The following LDAH variants were observed in gnomAD, a reference collection of about 807,000 sequenced individuals.
The protein encoded by LDAH is lipid droplet associated hydrolase, also known as lipid droplet-associated hydrolase.
In LDAH, 26 loss-of-function variants were observed where a neutral mutation model predicts 29.6. The observed-to-expected ratio is 0.88, with a 90% CI of 0.64 to 1.22. LDAH has a LOEUF of 1.22. LDAH is among the 50% of genes most tolerant of loss of function. The pLI is 0.00. For missense variants in LDAH, 344 were observed against 387.3 expected (o/e 0.89, Z 0.94); for synonymous variants, 117 against 133.0 (o/e 0.88, Z 0.83).
downstream of LDAH, among the ~76,000 whole-genome samples, chr2:20,682,794 T>C (rs1662355117): frequency 6.6e-6 from 1 of 152,200 alleles, no homozygotes; most frequent in African/African-American, 2.4e-5. Context: ...CATGTGCAAC[T>C]ACAGGAGAAC....
At chr2:20,801,610 T>C in intron 1 of LDAH, 145 bp from the exon 2 acceptor site, 2 of 672,280 alleles carry the variant, frequency 3.0e-6, no homozygotes, top group Non-Finnish European at 5.0e-6. Flanking sequence ...ATAAGACTAT[T>C]CAGTGATGCT....
intron 2 of LDAH, among the ~76,000 whole-genome samples, chr2:20,796,347 G>A (rs1246044836): frequency 6.6e-6 from 1 of 152,140 alleles, no homozygotes; most frequent in Non-Finnish European, 1.5e-5. Flanking sequence ...TCCAGGTGGG[G>A]AAGTGGGTGG....
chr2:20,750,462 G>A (rs1558441286), intron 4 of LDAH, among the ~76,000 whole-genome samples: 4 of 152,258 alleles, frequency 2.6e-5, no homozygotes, highest in African/African-American at 4.8e-5. Flanking sequence ...GTGCCTCCAC[G>A]GTATCTGAAT....
At chr2:20,710,763 A>T (rs2149374250) in intron 5 of LDAH, among the ~76,000 whole-genome samples, 1 of 149,464 alleles carries the variant, frequency 6.7e-6, no homozygotes, top group South Asian at 2.1e-4. Context: ...ATATATACAC[A>T]TATATATGAC....
chr2:20,725,494 GGACT>G (rs1282761101), intron 5 of LDAH, among the ~76,000 whole-genome samples: 2 of 152,172 alleles, frequency 1.3e-5, no homozygotes, highest in African/African-American at 4.8e-5. Context: ...TAGTTCTGGT[GGACT>G]GACTGTCTTA....
chr2:20,805,441 T>C (rs1418530488), intron 1 of LDAH, among the ~76,000 whole-genome samples: 1 of 152,206 alleles, frequency 6.6e-6, no homozygotes, highest in Non-Finnish European at 1.5e-5. Context: ...GGCACGAGAA[T>C]TAAAACTCTT....
chr2:20,799,721 C>G (rs1476052594), intron 2 of LDAH, among the ~76,000 whole-genome samples: 1 of 152,122 alleles, frequency 6.6e-6, no homozygotes, highest in Admixed American at 6.6e-5. Flanking sequence ...TTATACTCTG[C>G]CTTTACGAGA....
intron 4 of LDAH, among the ~76,000 whole-genome samples, chr2:20,773,127 C>CTAA (rs1021955987): frequency 1.4e-4 from 21 of 152,016 alleles, no homozygotes; most frequent in Admixed American, 1.4e-3. Flanking sequence ...AGTTATTTCC[C>CTAA]TAATAATAAT....
intron 2 of LDAH, among the ~76,000 whole-genome samples, chr2:20,793,556 G>T (rs933352853): frequency 6.6e-6 from 1 of 152,246 alleles, no homozygotes; most frequent in East Asian, 1.9e-4. Context: ...ATCAAATCTT[G>T]TATGAGATCA....
At chr2:20,760,102 C>T (rs1668579880) in intron 4 of LDAH, among the ~76,000 whole-genome samples, 1 of 151,926 alleles carries the variant, frequency 6.6e-6, no homozygotes, top group Non-Finnish European at 1.5e-5. Context: ...CCCAAATTAT[C>T]TTTTTTTTGA....
At chr2:20,766,386 GT>G (rs1669038014) in intron 4 of LDAH, among the ~76,000 whole-genome samples, 1 of 152,136 alleles carries the variant, frequency 6.6e-6, no homozygotes, top group Non-Finnish European at 1.5e-5. Context: ...CCAGGCAGAG[GT>G]TTTAAAATGT....
intron 2 of LDAH, 81 bp downstream of exon 2, chr2:20,801,229 T>C: frequency 7.0e-7 from 1 of 1,434,912 alleles, no homozygotes; most frequent in Non-Finnish European, 9.5e-7. Context: ...TTTCCATATT[T>C]ACCAAATTCT....
chr2:20,771,805 G>A (rs201787443), intron 4 of LDAH, among the ~76,000 whole-genome samples: 1 of 2,796 alleles, frequency 3.6e-4, no homozygotes, highest in African/African-American at 9.0e-4. Flanking sequence ...ACACCCTTTG[G>A]ACAATTTATT....
intron 2 of LDAH, among the ~76,000 whole-genome samples, chr2:20,797,305 C>T (rs1671366604): frequency 6.6e-6 from 1 of 152,198 alleles, no homozygotes; most frequent in Non-Finnish European, 1.5e-5. Flanking sequence ...AACACTGAAA[C>T]TACCACCTCC....
At chr2:20,710,606 G>GTATATATATATATATATATATATATA (rs1467339981) in intron 5 of LDAH, among the ~76,000 whole-genome samples, 2 of 131,866 alleles carry the variant, frequency 1.5e-5, no homozygotes, top group African/African-American at 5.5e-5. Flanking sequence ...GTGTGTGTGT[G>GTATATATATATATATATATATATATA]TATATATATA....
In LDAH at chr2:20,774,969, A is replaced by T. The variant is rs1669703124; in HGVS notation, c.309T>A (p.Ala103=). 4 of 1,590,316 alleles carry T rather than the reference A, an allele frequency of 2.5e-6. No individual in the cohort carries two copies. The highest frequency in any genetic ancestry group is 3.4e-6 in the Non-Finnish European group (4 of 1,163,574). ...GTCCATAAATGTCCTTAATTTCTTG[A>T]GCGTTTGAATCTAAAAGCAAAAATA... ...KILTTSEDSN[A]QEIKDIYGLN... is the part of the protein sequence containing the mutation. The change falls in exon 4 of 7, where the codon GCT becomes GCA. Residue 103 remains alanine (A), a synonymous_variant. Coordinates refer to ENST00000237822, the MANE Select transcript of LDAH (RefSeq NM_021925.4).
intron 4 of LDAH, among the ~76,000 whole-genome samples, chr2:20,754,934 C>T (rs578133048): frequency 6.6e-6 from 1 of 152,098 alleles, no homozygotes; most frequent in Non-Finnish European, 1.5e-5. Flanking sequence ...GGCCAAATGA[C>T]AAAATGGGAA....
At chr2:20,742,770 CTTTTCT>C (rs1465901408) in intron 4 of LDAH, among the ~76,000 whole-genome samples, 1 of 144,920 alleles carries the variant, frequency 6.9e-6, no homozygotes, top group African/African-American at 2.5e-5. Context: ...TTAATTAGTG[CTTTTCT>C]TTTTCTTTTC....
At chr2:20,767,098 G>A (rs1669093763) in intron 4 of LDAH, among the ~76,000 whole-genome samples, 1 of 152,226 alleles carries the variant, frequency 6.6e-6, no homozygotes, top group South Asian at 2.1e-4. Context: ...GGGCCACTGG[G>A]GGAGCTCATG....
Sources: allele counts gnomAD v4.1 joint callset (sites outside exome capture counted in the v4.1 genomes callset), GRCh38; gene constraint gnomAD v4.1.1; transcripts MANE v1.5; gene names NCBI Gene and HGNC (gene_info 2026-07-23, HGNC 2026-07-21).